MFAP1: variants seen among roughly 807,000 people sequenced by gnomAD.
MFAP1 encodes microfibril associated protein 1, also known as microfibrillar-associated protein 1.
Under a neutral mutation model 62.2 loss-of-function variants are expected in MFAP1, and 18 were observed. That is an observed-to-expected ratio of 0.29 (90% CI 0.20 to 0.43). MFAP1 has a LOEUF of 0.43. MFAP1 is among the 20% of genes least tolerant of loss of function. The pLI is 1.00. For missense variants in MFAP1, 355 were observed against 559.7 expected (o/e 0.63, Z 3.69); for synonymous variants, 175 against 180.4 (o/e 0.97, Z 0.24).
chr15:43,812,058 C>T (rs551976580), intron 6 of MFAP1, among the ~76,000 whole-genome samples: 16 of 152,046 alleles, frequency 1.1e-4, no homozygotes, highest in African/African-American at 3.1e-4. Context: ...GGCATGGTGG[C>T]GCATGCCTGT....
intron 8 of MFAP1, 32 bp downstream of exon 8, chr15:43,805,344 T>TA: frequency 6.2e-7 from 1 of 1,604,742 alleles, no homozygotes. Context: ...ATACATCACT[T>TA]TTCTCTGTCA....
chr15:43,819,745 C>T lies in MFAP1; in HGVS notation c.80-2297G>A, dbSNP rs573038252. On this transcript the variant is annotated intron_variant, in intron 1 of 8. Coordinates refer to ENST00000267812, the MANE Select transcript of MFAP1 (RefSeq NM_005926.3). ...ACAGGGTTTCAACATGTAGGCCAGG[C>T]TGGTCTTGAACTCCTGACCTCAGGT... 2.0e-5 allele frequency among the ~76,000 whole-genome samples: 3 copies of T among 152,248 alleles called. No individual in the cohort carries two copies. In the South Asian group the frequency reaches 6.2e-4, roughly 32 times the overall value.
At chr15:43,807,736 A>C (rs1221571177) in intron 7 of MFAP1, among the ~76,000 whole-genome samples, 1 of 152,236 alleles carries the variant, frequency 6.6e-6, no homozygotes, top group Admixed American at 6.5e-5. Context: ...CTCTCGTCAG[A>C]ACCCCTACAG....
intron 4 of MFAP1, among the ~76,000 whole-genome samples, 159 bp from the exon 5 acceptor site, chr15:43,813,516 T>C (rs1596056795): frequency 6.7e-6 from 1 of 148,608 alleles, no homozygotes; most frequent in African/African-American, 2.5e-5. Flanking sequence ...GTCTTTTTTT[T>C]TTTTTTTTTT....
At position 43,805,397 on chromosome 15, in the gene MFAP1, G is replaced by A. The variant is rs558466444; in HGVS notation, c.1116C>T (p.Thr372=). The A allele has an allele frequency of 2.5e-6, 4 of 1,613,526 alleles. No individual in the cohort carries two copies. The African/African-American group carries it at 4.0e-5, about 16-fold the overall frequency. The change falls in exon 8 of 9, where the codon ACC becomes ACT. Residue 372 remains threonine (T), a synonymous_variant. Coordinates refer to ENST00000267812, the MANE Select transcript of MFAP1 (RefSeq NM_005926.3). The stretch of plus-strand genomic sequence containing the variant: ...ATACCTGCATGACTTTAGGAAGAAT[G>A]GTTTTATTGAAATGATCCTCCAGGG... The part of the protein sequence containing the change: ...APTLEDHFNK[T]ILPKVMQVKN...
rs751017034 is a variant in MFAP1, at chr15:43,824,479, T to G, written c.79+12A>C. ...TTAAAATTCGACTGGGAAGAGGGTG[T>G]TAGCACCGTACCTTTCTCATTGCGA... On this transcript the variant is annotated intron_variant, in intron 1 of 8. Transcript: ENST00000267812. The G allele has an allele frequency of 6.2e-7, 1 of 1,614,008 alleles. No individual in the cohort carries two copies. The highest frequency in any genetic ancestry group is 8.5e-7 in the Non-Finnish European group (1 of 1,179,934).
At chr15:43,806,206 G>A (rs1004225073) in intron 7 of MFAP1, among the ~76,000 whole-genome samples, 2 of 152,054 alleles carry the variant, frequency 1.3e-5, no homozygotes, top group Non-Finnish European at 2.9e-5. Flanking sequence ...CTTCAACTCT[G>A]CATAGGCCTC....
In MFAP1 at chr15:43,817,279, G is replaced by T; in HGVS notation, c.249C>A (p.Asp83Glu). ...PEEQEEDSSS[D>E]PRLRRLQNRI... ...GGTTCTGTAAACGCCGTAGCCGGGG[G>T]TCACTGGATGAATCCTCCTCCTGTT... Residue 83 changes from aspartate to glutamate, a missense_variant, in exon 2 of 9, where the codon GAC (aspartate) becomes GAA (glutamate). By Grantham distance (45) the Asp-to-Glu change is conservative. This residue lies in a region of MFAP1 where 257 missense variants were observed against 341.3 expected (regional missense o/e 0.75). Coordinates refer to ENST00000267812, the MANE Select transcript of MFAP1 (RefSeq NM_005926.3). 1 of 1,614,074 alleles carries T rather than the reference G, an allele frequency of 6.2e-7. No homozygotes were observed. Among genetic ancestry groups the T allele is most frequent in the Non-Finnish European group, 8.5e-7 (1 of 1,180,024 alleles).
chr15:43,806,743 G>A (rs983210142), intron 7 of MFAP1, among the ~76,000 whole-genome samples: 7 of 152,106 alleles, frequency 4.6e-5, no homozygotes, highest in South Asian at 2.1e-4. Context: ...CTGGTGGCGC[G>A]CACCTGTAAT....
chr15:43,815,239 G>C (rs554882848), intron 2 of MFAP1, among the ~76,000 whole-genome samples, 165 bp from the exon 3 acceptor site: 1 of 152,154 alleles, frequency 6.6e-6, no homozygotes, highest in African/African-American at 2.4e-5. Context: ...CAGTGCAGTG[G>C]TGCGATCTTG....
In MFAP1 at chr15:43,804,923, G is replaced by C. The variant is rs566088894; in HGVS notation, c.*171C>G. On this transcript the variant is annotated 3_prime_UTR_variant, in exon 9 of 9. Coordinates refer to ENST00000267812, the MANE Select transcript of MFAP1 (RefSeq NM_005926.3). ...CTTTCCTGTGGGTTTCTCAGCATGA[G>C]TCCAAACCTCACAAAGCACCTTCAA... 1.5e-6 allele frequency: 1 copy of C among 669,662 alleles called. No individual in the cohort carries two copies. The highest frequency in any genetic ancestry group is 2.7e-5 in the East Asian group (1 of 37,714). 41.5% of individuals were successfully genotyped at this position (669,662 alleles called of 1,614,324 possible). A position where few individuals can be genotyped will look rare whatever the true frequency, so the allele number is the denominator to read the frequency against.
chr15:43,805,937 G>A (rs1006879679), intron 7 of MFAP1, among the ~76,000 whole-genome samples: 20 of 147,584 alleles, frequency 1.4e-4, no homozygotes, highest in Non-Finnish European at 2.2e-4. Context: ...TTCCTTTGTT[G>A]TATTTCTCCT....
intron 7 of MFAP1, among the ~76,000 whole-genome samples, chr15:43,808,603 T>G (rs1414652265): frequency 6.6e-6 from 1 of 152,240 alleles, no homozygotes; most frequent in Non-Finnish European, 1.5e-5. Flanking sequence ...AAACAAACTT[T>G]ATGACCGAAG....
intron 4 of MFAP1, among the ~76,000 whole-genome samples, chr15:43,814,019 T>C (rs2087419380): frequency 6.6e-6 from 1 of 152,042 alleles, no homozygotes; most frequent in Admixed American, 6.6e-5. Context: ...TTTGGGAGGC[T>C]GAGGAGGACG....
rs764583333 is a variant in MFAP1, at chr15:43,824,608, T to G, written c.-39A>C. The G allele has an allele frequency of 1.9e-6, 3 of 1,607,096 alleles. No individual in the cohort carries two copies. In the Admixed American group the frequency reaches 5.0e-5, roughly 27 times the overall value. ...ACGGTGATTCCCGAAACTTGACTAA[T>G]TCCAAACAGTGAACACCAGCAACGT... On this transcript the variant is annotated 5_prime_UTR_variant, in exon 1 of 9. Coordinates refer to ENST00000267812, the MANE Select transcript of MFAP1 (RefSeq NM_005926.3).
Position 43,820,482 on chromosome 15 carries a change from C to G in MFAP1, c.80-3034G>C, listed in dbSNP as rs545557076. Among the ~76,000 whole-genome samples the G allele has an allele frequency of 3.4e-4, 52 of 152,248 alleles. No homozygotes were observed. In the South Asian group the frequency reaches 0.011, roughly 31 times the overall value. On this transcript the variant is annotated intron_variant, in intron 1 of 8. Coordinates refer to ENST00000267812, the MANE Select transcript of MFAP1 (RefSeq NM_005926.3). ...CATAATTTGCAGATTATATGGTTGT[C>G]TTTGTAGAAAACACAAGATAACAAA...
intron 2 of MFAP1, among the ~76,000 whole-genome samples, chr15:43,816,894 T>A (rs566302038): frequency 3.0e-4 from 46 of 152,326 alleles, no homozygotes; most frequent in African/African-American, 1.1e-3. Flanking sequence ...TAAAACATCT[T>A]TGTGCTAAAA....
chr15:43,815,524 A>T (rs971889772), intron 2 of MFAP1, among the ~76,000 whole-genome samples: 1 of 152,104 alleles, frequency 6.6e-6, no homozygotes, highest in Non-Finnish European at 1.5e-5. Flanking sequence ...AGATTAAAGA[A>T]ACTAAACTAG....
At chr15:43,818,154 G>A (rs573549378) in intron 1 of MFAP1, among the ~76,000 whole-genome samples, 2 of 151,988 alleles carry the variant, frequency 1.3e-5, no homozygotes, top group Admixed American at 6.6e-5. Flanking sequence ...TGAGTAGCTG[G>A]GACTACAGAC....
Sources: allele counts gnomAD v4.1 joint callset (sites outside exome capture counted in the v4.1 genomes callset), GRCh38; gene constraint gnomAD v4.1.1; regional missense constraint gnomAD v4.1.1; transcripts MANE v1.5; gene names NCBI Gene and HGNC (gene_info 2026-07-23, HGNC 2026-07-21).